Variants in ARPC1A observed in about 807,000 individuals in gnomAD.
ARPC1A encodes actin-related protein 2/3 complex subunit 1A.
In ARPC1A, 8 loss-of-function variants were observed where a neutral mutation model predicts 46.9. The ratio of observed to expected loss-of-function variants is 0.17; its 90% CI spans 0.10 to 0.31. The LOEUF (loss-of-function observed/expected upper bound fraction) is 0.31, where lower values mean the gene tolerates loss of function less well. Ranked by LOEUF, ARPC1A falls within the 10% of genes least tolerant of loss-of-function variation. The pLI, the probability that ARPC1A is intolerant of heterozygous loss-of-function variation, is 1.00. For synonymous variants in ARPC1A, 152 were observed against 169.0 expected, an observed-to-expected ratio of 0.90 and a Z score of 0.78; for missense variants, 286 against 483.6, an observed-to-expected ratio of 0.59 and a Z score of 3.83.
In ARPC1A at chr7:99,365,891, A is replaced by T; in HGVS notation, c.1075A>T (p.Thr359Ser). ...DGAMTIWDFK[T>S]LESSIQGLRI... is the part of the protein sequence containing the mutation. The stretch of plus-strand genomic sequence containing the variant: ...CAGTGCTCTTCCCACCTTTTCCAAG[A>T]CCCTCGAGTCTTCCATCCAGGGCCT... Residue 359 changes from threonine to serine, a missense_variant and splice_region_variant, in exon 10 of 10, where the codon ACC becomes TCC. Physicochemically the swap from Thr to Ser is moderately conservative, Grantham distance 58. This residue lies in a region of ARPC1A where 182 missense variants were observed against 276.7 expected (regional missense o/e 0.66). Transcript: ENST00000262942. 1 of 1,572,784 alleles carries T rather than the reference A, an allele frequency of 6.4e-7. No homozygotes were observed. Among genetic ancestry groups the T allele is most frequent in the Non-Finnish European group, 8.6e-7 (1 of 1,157,018 alleles).
intron 5 of ARPC1A, 86 bp downstream of exon 5, chr7:99,349,045 TG>T (rs1406805883): frequency 1.4e-4 from 184 of 1,361,352 alleles, no homozygotes; most frequent in Admixed American, 4.1e-4. Context: ...CTTTGTTTTT[TG>T]TTTTGTTGTG....
At chr7:99,340,601 C>T (rs1424420790) in intron 3 of ARPC1A, among the ~76,000 whole-genome samples, 1 of 152,154 alleles carries the variant, frequency 6.6e-6, no homozygotes, top group Non-Finnish European at 1.5e-5. Flanking sequence ...CGCCAGCACA[C>T]CCGGCTAATT....
intron 4 of ARPC1A, among the ~76,000 whole-genome samples, chr7:99,345,778 C>G (rs925851641): frequency 1.3e-5 from 2 of 152,128 alleles, no homozygotes; most frequent in African/African-American, 4.8e-5. Flanking sequence ...CTAAAAATAG[C>G]AGAGTATACA....
chr7:99,344,998 C>T (rs992942097), intron 4 of ARPC1A, among the ~76,000 whole-genome samples: 4 of 131,688 alleles, frequency 3.0e-5, no homozygotes, highest in Non-Finnish European at 6.1e-5. Flanking sequence ...CGCAGTGACA[C>T]GATCATGGCT....
At chr7:99,338,407 A>G (rs1204299964) in intron 3 of ARPC1A, 122 bp downstream of exon 3, 2 of 547,530 alleles carry the variant, frequency 3.7e-6, no homozygotes, top group Middle Eastern at 3.8e-4. Flanking sequence ...TTTTTTTGAG[A>G]AGGAGTATCA....
intron 1 of ARPC1A, among the ~76,000 whole-genome samples, chr7:99,331,379 G>A (rs866560042): frequency 1.7e-4 from 26 of 152,036 alleles, no homozygotes; most frequent in African/African-American, 6.0e-4. Flanking sequence ...CTGGGTGAGA[G>A]AGCAAGACCC....
Position 99,344,920 on chromosome 7 carries a change from C to CTTTTTTTTTTTTTTTTT in ARPC1A, c.392+418_392+434dup, listed in dbSNP as rs1172071932. On this transcript the variant is annotated intron_variant, in intron 4 of 9. Coordinates refer to ENST00000262942, the MANE Select transcript of ARPC1A (RefSeq NM_006409.4). ...TAGGATTCCTACAGATAACAATGTT[C>CTTTTTTTTTTTTTTTTT]TTTTTTTTTTTTTTTTTTTTTTTTT... Among the ~76,000 whole-genome samples the CTTTTTTTTTTTTTTTTT allele has an allele frequency of 1.2e-3, 24 of 20,110 alleles. 10 individuals are homozygous for CTTTTTTTTTTTTTTTTT. The highest frequency in any genetic ancestry group is 4.4e-3 in the African/African-American group (20 of 4,576). The allele number at this position is 20,110 out of a possible 152,430, so 13.2% of individuals were successfully genotyped here. A position where few individuals can be genotyped will look rare whatever the true frequency, so the allele number is the denominator to read the frequency against.
At chr7:99,349,220 T>C (rs746306486) in intron 5 of ARPC1A, among the ~76,000 whole-genome samples, 2 of 151,974 alleles carry the variant, frequency 1.3e-5, no homozygotes, top group Non-Finnish European at 2.9e-5. Context: ...CTGGCTAATT[T>C]TTTTAAAATT....
At chr7:99,360,882 A>G (rs1793727503) in intron 8 of ARPC1A, among the ~76,000 whole-genome samples, 1 of 145,490 alleles carries the variant, frequency 6.9e-6, no homozygotes, top group Non-Finnish European at 1.5e-5. Flanking sequence ...TGGAGGTTGC[A>G]GTGAGCCAAG....
chr7:99,348,017 TC>T (rs1314304884), intron 4 of ARPC1A, among the ~76,000 whole-genome samples: 1 of 152,122 alleles, frequency 6.6e-6, no homozygotes, highest in Non-Finnish European at 1.5e-5. Flanking sequence ...ACATAAATCA[TC>T]TTTTTTGGAT....
chr7:99,363,696 G>A, intron 9 of ARPC1A, 63 bp downstream of exon 9: 1 of 1,148,598 alleles, frequency 8.7e-7, no homozygotes, highest in South Asian at 1.4e-5. Context: ...TTTTTTAAGA[G>A]ATAGGCTCCT....
At chr7:99,344,602 T>TC in intron 4 of ARPC1A, 87 bp downstream of exon 4, 1 of 1,363,058 alleles carries the variant, frequency 7.3e-7, no homozygotes, top group Non-Finnish European at 1.0e-6. Context: ...CTCCAGTTTT[T>TC]CTCATCCGGA....
At chr7:99,356,940 A>G (rs1052322159) in intron 6 of ARPC1A, among the ~76,000 whole-genome samples, 3 of 152,194 alleles carry the variant, frequency 2.0e-5, no homozygotes, top group African/African-American at 7.2e-5. Flanking sequence ...CCCTTCCATT[A>G]TAAAATGTAG....
chr7:99,332,836 C>T (rs1033063016), intron 1 of ARPC1A, among the ~76,000 whole-genome samples: 7 of 150,998 alleles, frequency 4.6e-5, no homozygotes, highest in Admixed American at 4.0e-4. Flanking sequence ...CTCCTGACCT[C>T]GTGACCTGCC....
chr7:99,365,126 T>C (rs1793812589), intron 9 of ARPC1A, among the ~76,000 whole-genome samples: 1 of 152,096 alleles, frequency 6.6e-6, no homozygotes, highest in Admixed American at 6.6e-5. Context: ...CGTGCTGTGG[T>C]CCTCCGGAAG....
rs755228841 is a variant in ARPC1A, at chr7:99,358,391, C to T, written c.765C>T (p.Val255=). Residue 255 remains valine, a synonymous_variant, in exon 7 of 10, where the codon GTC becomes GTT. Transcript: ENST00000262942. The part of the protein sequence containing the change: ...EFLPLLSVSF[V]SENSVVAAGH... Reference sequence around the variant, plus strand: ...TGCCGCTCCTAAGTGTGTCATTTGTCTCAGAGAACAGCGTCGTGGCTGCTG... The same window carrying T: ...TGCCGCTCCTAAGTGTGTCATTTGTTTCAGAGAACAGCGTCGTGGCTGCTG... 1 of 1,614,124 alleles carries T rather than the reference C, an allele frequency of 6.2e-7. No homozygotes were observed. Among genetic ancestry groups the T allele is most frequent in the South Asian group, 1.1e-5 (1 of 91,084 alleles).
At chr7:99,363,924 A>G (rs1372680706) in intron 9 of ARPC1A, among the ~76,000 whole-genome samples, 1 of 152,130 alleles carries the variant, frequency 6.6e-6, no homozygotes, top group Non-Finnish European at 1.5e-5. Context: ...TTAATGTCCT[A>G]ATGTAAGACA....
At chr7:99,359,896 G>A in intron 8 of ARPC1A, 158 bp downstream of exon 8, 1 of 860,750 alleles carries the variant, frequency 1.2e-6, no homozygotes, top group East Asian at 2.7e-5. Flanking sequence ...CGACCGCCAG[G>A]CTCTCATTTC....
chr7:99,344,462 G>T lies in ARPC1A; in HGVS notation c.339G>T (p.Val113=). 1 of 1,613,928 alleles carries T rather than the reference G, an allele frequency of 6.2e-7. No individual in the cohort carries two copies. The highest frequency in any genetic ancestry group is 2.2e-5 in the East Asian group (1 of 44,890). The change falls in exon 4 of 10, where the codon GTG becomes GTT. Residue 113 remains valine, a synonymous_variant. Transcript: ENST00000262942. ...CCCCCCTAGAGAACAAATTTGCTGT[G>T]GGAAGTGGAGCACGACTCATTTCTG... ...KWSPLENKFA[V]GSGARLISVC...
Sources: allele counts gnomAD v4.1 joint callset (sites outside exome capture counted in the v4.1 genomes callset), GRCh38; gene constraint gnomAD v4.1.1; regional missense constraint gnomAD v4.1.1; transcripts MANE v1.5; gene names NCBI Gene and HGNC (gene_info 2026-07-23, HGNC 2026-07-21).